Variants in CNTNAP5 observed in about 807,000 individuals in gnomAD.
CNTNAP5 encodes contactin-associated protein-like 5.
Under a neutral mutation model 150.2 loss-of-function variants are expected in CNTNAP5, and 72 were observed. The ratio of observed to expected loss-of-function variants is 0.48; its 90% CI spans 0.40 to 0.58. The LOEUF is 0.58. CNTNAP5 is among the 20% of genes least tolerant of loss of function. The pLI, the probability that CNTNAP5 is intolerant of heterozygous loss-of-function variation, is 0.00. For missense variants in CNTNAP5, 1,636 were observed against 1,626.2 expected, an observed-to-expected ratio of 1.01 and a Z score of -0.10; for synonymous variants, 672 against 619.8, an observed-to-expected ratio of 1.08 and a Z score of -1.25.
chr2:124,038,184 C>T (rs1186226130), intron 1 of CNTNAP5, among the ~76,000 whole-genome samples: 1 of 152,196 alleles, frequency 6.6e-6, no homozygotes, highest in African/African-American at 2.4e-5. Flanking sequence ...CGACTGGCTT[C>T]GGAGGATCCC....
At chr2:124,413,596 T>C (rs1463510900) in intron 3 of CNTNAP5, among the ~76,000 whole-genome samples, 5 of 126,946 alleles carry the variant, frequency 3.9e-5, no homozygotes, top group South Asian at 2.9e-4. Context: ...ATGGATGAAA[T>C]TGGAAATCAT....
intron 1 of CNTNAP5, among the ~76,000 whole-genome samples, chr2:124,070,722 A>G (rs1349270152): frequency 6.6e-6 from 1 of 152,078 alleles, no homozygotes; most frequent in East Asian, 1.9e-4. Flanking sequence ...AACACTAAAG[A>G]GAAAGATAGA....
chr2:124,389,148 C>T (rs1277474943), intron 3 of CNTNAP5, among the ~76,000 whole-genome samples: 2 of 151,980 alleles, frequency 1.3e-5, no homozygotes, highest in African/African-American at 2.4e-5. Flanking sequence ...CAAACAGAAA[C>T]CTTTTCTGTC....
intron 19 of CNTNAP5, among the ~76,000 whole-genome samples, chr2:124,835,989 A>G (rs1682821232): frequency 6.6e-6 from 1 of 152,152 alleles, no homozygotes; most frequent in African/African-American, 2.4e-5. Context: ...TATTCAGAAA[A>G]TATCAGAGAG....
At chr2:124,317,560 C>G (rs563793312) in intron 3 of CNTNAP5, among the ~76,000 whole-genome samples, 1 of 152,124 alleles carries the variant, frequency 6.6e-6, no homozygotes. Context: ...AACATCAAAC[C>G]ATGTATTCCA....
chr2:124,255,250 C>G (rs1224490142), intron 3 of CNTNAP5, among the ~76,000 whole-genome samples: 4 of 152,034 alleles, frequency 2.6e-5, no homozygotes, highest in Admixed American at 2.6e-4. Flanking sequence ...TTAGGCTGGG[C>G]ACAGTAGCTC....
chr2:124,905,415 T>C (rs542647696), intron 22 of CNTNAP5, among the ~76,000 whole-genome samples: 6 of 152,076 alleles, frequency 3.9e-5, no homozygotes, highest in Non-Finnish European at 8.8e-5. Flanking sequence ...TATTTCTGAA[T>C]ATGTAACGAA....
At chr2:124,635,280 C>T (rs947193313) in intron 12 of CNTNAP5, among the ~76,000 whole-genome samples, 2 of 152,068 alleles carry the variant, frequency 1.3e-5, no homozygotes, top group African/African-American at 4.8e-5. Context: ...TTTTAAACAA[C>T]CAGATCCCAT....
intron 1 of CNTNAP5, among the ~76,000 whole-genome samples, chr2:124,192,473 T>G (rs2104696751): frequency 6.6e-6 from 1 of 152,298 alleles, no homozygotes; most frequent in Admixed American, 6.5e-5. Context: ...GGACAGTATC[T>G]TAACTCTATT....
intron 13 of CNTNAP5, among the ~76,000 whole-genome samples, chr2:124,746,860 C>T (rs1358057247): frequency 1.3e-5 from 2 of 152,230 alleles, no homozygotes; most frequent in Non-Finnish European, 2.9e-5. Context: ...TTCAAGTTTA[C>T]GACACTGCCT....
chr2:124,074,928 A>G (rs999313951), intron 1 of CNTNAP5, among the ~76,000 whole-genome samples: 1 of 152,128 alleles, frequency 6.6e-6, no homozygotes, highest in Non-Finnish European at 1.5e-5. Context: ...CATTTTACGT[A>G]GTTTGATTTA....
At chr2:124,652,656 C>T (rs1295787884) in intron 13 of CNTNAP5, among the ~76,000 whole-genome samples, 6 of 152,134 alleles carry the variant, frequency 3.9e-5, no homozygotes, top group Admixed American at 6.5e-5. Context: ...AGCAAGTGAC[C>T]GCATGGGGAA....
chr2:124,612,862 G>A (rs1677414839), intron 12 of CNTNAP5, among the ~76,000 whole-genome samples: 1 of 152,148 alleles, frequency 6.6e-6, no homozygotes, highest in African/African-American at 2.4e-5. Context: ...AGACCAGCCT[G>A]ACCAACATGG....
intron 1 of CNTNAP5, among the ~76,000 whole-genome samples, chr2:124,102,100 G>A (rs1413949709): frequency 6.6e-6 from 1 of 152,100 alleles, no homozygotes. Context: ...AAATGCTGAG[G>A]CTTCCAGATT....
At chr2:124,899,882 A>G (rs1678380435) in intron 21 of CNTNAP5, among the ~76,000 whole-genome samples, 1 of 151,536 alleles carries the variant, frequency 6.6e-6, no homozygotes, top group Non-Finnish European at 1.5e-5. Context: ...GAATTCTGTG[A>G]GGCACTTAAC....
chr2:124,131,098 T>C (rs1324927395), intron 1 of CNTNAP5, among the ~76,000 whole-genome samples: 2 of 152,210 alleles, frequency 1.3e-5, no homozygotes, highest in Non-Finnish European at 2.9e-5. Context: ...TGTGAATAGC[T>C]GTGTTTTAGT....
In CNTNAP5 at chr2:124,917,384, T is replaced by G. The variant is rs1267936744; in HGVS notation, c.*3096T>G. ...TATATTTGCTTACTCTAAAATATAT[T>G]TATCCTACTGCATCATTTATTGCAT... is the stretch of plus-strand genomic sequence containing the variant. On this transcript the variant is annotated 3_prime_UTR_variant, in exon 24 of 24. Transcript: ENST00000682447. Among the ~76,000 whole-genome samples, 1 of 152,150 alleles carries G rather than the reference T, an allele frequency of 6.6e-6. No individual in the cohort carries two copies. Among genetic ancestry groups the G allele is most frequent in the Non-Finnish European group, 1.5e-5 (1 of 68,008 alleles).
chr2:124,774,634 GC>G (rs1681280723), intron 17 of CNTNAP5, among the ~76,000 whole-genome samples: 1 of 152,116 alleles, frequency 6.6e-6, no homozygotes, highest in South Asian at 2.1e-4. Context: ...GAGGAAGGTT[GC>G]TAGTCATCAA....
chr2:124,163,568 C>A (rs1157754000), intron 1 of CNTNAP5, among the ~76,000 whole-genome samples: 1 of 152,044 alleles, frequency 6.6e-6, no homozygotes, highest in Non-Finnish European at 1.5e-5. Flanking sequence ...ACAAAAAATG[C>A]TAACTACCTT....
Sources: gnomAD v4.1 joint callset for allele counts (sites outside exome capture counted in the v4.1 genomes callset) on GRCh38, gnomAD v4.1.1 for gene constraint, MANE v1.5 for transcripts, NCBI Gene and HGNC (gene_info 2026-07-23, HGNC 2026-07-21) for gene names.